RGS12: variants seen among roughly 807,000 people sequenced by gnomAD.
The protein encoded by RGS12 is regulator of G protein signaling 12.
In RGS12, 66 loss-of-function variants were observed where a neutral mutation model predicts 120.1. That is an observed-to-expected ratio of 0.55 (90% CI 0.45 to 0.67). The LOEUF is 0.67. Ranked by LOEUF, RGS12 falls within the 30% of genes least tolerant of loss-of-function variation. The pLI, the probability that RGS12 is intolerant of heterozygous loss-of-function variation, is 0.00. For synonymous variants in RGS12, 827 were observed against 804.7 expected (o/e 1.03, Z -0.47); for missense variants, 1,859 against 1,957.7 (o/e 0.95, Z 0.95).
Position 3,326,358 on chromosome 4 carries a change from C to T in RGS12, c.1881+8307C>T, listed in dbSNP as rs146497120. 3.9e-3 allele frequency among the ~76,000 whole-genome samples: 601 copies of T among 152,260 alleles called. 3 individuals are homozygous for T. The highest frequency in any genetic ancestry group is 6.9e-3 in the Non-Finnish European group (468 of 68,026). On this transcript the variant is annotated intron_variant, in intron 2 of 17. Coordinates refer to ENST00000336727, the MANE Select transcript of RGS12 (RefSeq NM_001394154.1). Reference sequence around the variant, plus strand: ...AACTCTTGGACTCAAGGGATCCTCCCGCCTCAGCCTCCCAAGTAGCTAGAA... The same window carrying T: ...AACTCTTGGACTCAAGGGATCCTCCTGCCTCAGCCTCCCAAGTAGCTAGAA...
chr4:3,292,295 C>T (rs1723065866), upstream of RGS12, among the ~76,000 whole-genome samples: 1 of 151,692 alleles, frequency 6.6e-6, no homozygotes, highest in Admixed American at 6.6e-5. Context: ...AGCTCCTCCT[C>T]TCGTGCCAGC....
chr4:3,316,163 T>C lies in RGS12; in HGVS notation c.-8T>C. 1 of 1,531,852 alleles carries C rather than the reference T, an allele frequency of 6.5e-7. No homozygotes were observed. Among genetic ancestry groups the C allele is most frequent in the Non-Finnish European group, 8.8e-7 (1 of 1,141,188 alleles). The allele number at this position is 1,531,852 out of a possible 1,614,324, so 94.9% of individuals were successfully genotyped here. ...GAGACGTGCTCTTGGTCTTGGAAGC[T>C]CATCAGAATGTTTAGAGCTGGGGAG... is the stretch of plus-strand genomic sequence containing the variant. On this transcript the variant is annotated 5_prime_UTR_variant, in exon 2 of 18. Transcript: ENST00000336727.
At position 3,317,484 on chromosome 4, in the gene RGS12, C is replaced by A. The variant is rs1439248271; in HGVS notation, c.1314C>A (p.Val438=). Residue 438 remains valine (V), a synonymous_variant, in exon 2 of 18, where the codon GTC becomes GTA. Coordinates refer to ENST00000336727, the MANE Select transcript of RGS12 (RefSeq NM_001394154.1). ...ACCAGGAGGAGAAGAGCAACCGGGT[C>A]CTTGTGGTGGACCTGGGTGGGAGCT... ...NFHQEEKSNR[V]LVVDLGGSSS... 3 of 1,613,784 alleles carry A rather than the reference C, an allele frequency of 1.9e-6. No homozygotes were observed. The Admixed American group carries it at 5.0e-5, about 27-fold the overall frequency.
At chr4:3,407,245 G>T (rs1721234182) in intron 4 of RGS12, 1 of 152,260 alleles carries the variant, frequency 6.6e-6, no homozygotes. Context: ...GGCGGCAGCA[G>T]CTGAGGGGCT....
At chr4:3,326,427 T>C (rs532163369) in intron 2 of RGS12, among the ~76,000 whole-genome samples, 2 of 152,296 alleles carry the variant, frequency 1.3e-5, no homozygotes, top group Admixed American at 6.5e-5. Context: ...TTAAATTTTT[T>C]TGTAGAGGTG....
intron 1 of RGS12, among the ~76,000 whole-genome samples, chr4:3,313,802 C>T (rs1578704294): frequency 2.0e-5 from 3 of 152,152 alleles, no homozygotes; most frequent in Non-Finnish European, 2.9e-5. Context: ...CTCACACAGG[C>T]GCACCCCACA....
At chr4:3,338,007 A>G (rs925883974) in intron 2 of RGS12, among the ~76,000 whole-genome samples, 3 of 152,128 alleles carry the variant, frequency 2.0e-5, no homozygotes, top group Admixed American at 2.0e-4. Context: ...GAGGCGTTGG[A>G]ATGGTTCTTA....
At position 3,379,015 on chromosome 4, in the gene RGS12, G is replaced by GTGTT. The variant is rs141799897; in HGVS notation, c.1999-7398_1999-7397insTTGT. ...TAAAGGAAATGTGCGATGTGTGTGT[G>GTGTT]TGTGTGTGTGTGTGTGTGTGTGTGT... On this transcript the variant is annotated intron_variant, in intron 3 of 17. Coordinates refer to ENST00000336727, the MANE Select transcript of RGS12 (RefSeq NM_001394154.1). Among the ~76,000 whole-genome samples, 354 of 95,596 alleles carry GTGTT rather than the reference G, an allele frequency of 3.7e-3. 2 individuals carry two copies. The highest frequency in any genetic ancestry group is 0.01 in the African/African-American group (346 of 33,172). 62.7% of individuals were successfully genotyped at this position (95,596 alleles called of 152,430 possible).
rs375514368 is a variant in RGS12 at position 3,389,997 on chromosome 4, A to T, written c.2020+3560A>T. Among the ~76,000 whole-genome samples the T allele has an allele frequency of 2.6e-5, 4 of 151,790 alleles. No homozygotes were observed. In the East Asian group the frequency reaches 5.8e-4, roughly 22 times the overall value. On this transcript the variant is annotated intron_variant, in intron 4 of 17. Transcript: ENST00000336727. This position sits in a 1 kb window ranked among gnomAD's most constrained non-coding sequence, Gnocchi z 5.2. ...GCCCCCCTACTCGTCCTCCATGCAG[A>T]CCTCAGTCTTGGCCCTGTCTCTGCA...
Position 3,365,315 on chromosome 4 carries a change from C to G in RGS12, c.1999-21101C>G, listed in dbSNP as rs766899897. ...CGAGTGCGTGGTGTCGCCTGCACAG[C>G]GGGCAGTGCCTACTCTTGGCCCTTT... On this transcript the variant is annotated intron_variant, in intron 3 of 17. Coordinates refer to ENST00000336727, the MANE Select transcript of RGS12 (RefSeq NM_001394154.1). This position sits in a 1 kb window ranked among gnomAD's most constrained non-coding sequence, Gnocchi z 4.0. Among the ~76,000 whole-genome samples the G allele has an allele frequency of 6.6e-6, 1 of 151,612 alleles. No homozygotes were observed. Among genetic ancestry groups the G allele is most frequent in the Non-Finnish European group, 1.5e-5 (1 of 67,890 alleles).
chr4:3,357,585 G>GAT (rs140804897), intron 3 of RGS12, among the ~76,000 whole-genome samples: 4,882 of 152,098 alleles, frequency 0.032, 237 homozygotes, highest in African/African-American at 0.11. Context: ...TTTGCATGTG[G>GAT]ATATCCTTTT....
chr4:3,417,388 T>C lies in RGS12; in HGVS notation c.2608T>C (p.Leu870=). Residue 870 remains leucine (L), a splice_region_variant and synonymous_variant, in exon 9 of 18, where the codon TTA becomes CTA. Coordinates refer to ENST00000336727, the MANE Select transcript of RGS12 (RefSeq NM_001394154.1). ...DHSSVSTPKK[L]SGKSKSGRSL... is the part of the protein sequence containing the mutation. The stretch of plus-strand genomic sequence containing the variant: ...AACCAAGGTTTCCATTTGATGACAG[T>C]TAAGTGGAAAATCAAAATCCGGCCG... 6.4e-7 allele frequency: 1 copy of C among 1,568,560 alleles called. No homozygotes were observed. Among genetic ancestry groups the C allele is most frequent in the South Asian group, 1.2e-5 (1 of 86,822 alleles).
chr4:3,369,092 C>T (rs1321535533), intron 3 of RGS12, among the ~76,000 whole-genome samples: 1 of 152,134 alleles, frequency 6.6e-6, no homozygotes, highest in African/African-American at 2.4e-5. Context: ...GGTGGCACCC[C>T]TTTCAGCGAG....
rs201159617 is a variant in RGS12 at position 3,310,403 on chromosome 4, G to A, written c.-101-5667G>A. 2.0e-4 allele frequency among the ~76,000 whole-genome samples: 31 copies of A among 152,350 alleles called. No homozygotes were observed. The South Asian group carries it at 3.5e-3, about 17-fold the overall frequency. On this transcript the variant is annotated intron_variant, in intron 1 of 17. Coordinates refer to ENST00000336727, the MANE Select transcript of RGS12 (RefSeq NM_001394154.1). The stretch of plus-strand genomic sequence containing the variant: ...CAGTCCACGCTGCACCCCAAGAAGG[G>A]AAGTGTGGAGAGGTATTGACTGGTG...
chr4:3,348,373 G>T (rs1176727184), intron 3 of RGS12, among the ~76,000 whole-genome samples: 1 of 152,142 alleles, frequency 6.6e-6, no homozygotes, highest in Non-Finnish European at 1.5e-5. Flanking sequence ...TAAAATCTTT[G>T]TTTCGTAGGC....
At chr4:3,357,297 G>A (rs531089768) in intron 3 of RGS12, among the ~76,000 whole-genome samples, 1 of 152,174 alleles carries the variant, frequency 6.6e-6, no homozygotes, top group South Asian at 2.1e-4. Flanking sequence ...TATCAGATAC[G>A]TGATTTGCAA....
chr4:3,373,380 A>T (rs1457288271), intron 3 of RGS12, among the ~76,000 whole-genome samples: 1 of 152,146 alleles, frequency 6.6e-6, no homozygotes, highest in East Asian at 1.9e-4. Flanking sequence ...TGGCCGCCGC[A>T]GGACACAAGA....
chr4:3,417,011 G>A lies in RGS12; in HGVS notation c.2526G>A (p.Pro842=), dbSNP rs147003185. ...CGGAAGTGGAGGGCCGTGCACTCCCGGACTCGCAGCAGGTCCCCAGCAGCC... is the reference window on the plus strand; with the variant it reads ...CGGAAGTGGAGGGCCGTGCACTCCCAGACTCGCAGCAGGTCCCCAGCAGCC... ...ILAEVEGRAL[P]DSQQVPSSPA... Residue 842 remains proline (P), a synonymous_variant, in exon 8 of 18, where the codon CCG becomes CCA. Transcript: ENST00000336727. The A allele has an allele frequency of 8.1e-6, 13 of 1,613,288 alleles. No homozygotes were observed. The highest frequency in any genetic ancestry group is 4.0e-5 in the African/African-American group (3 of 74,928).
At chr4:3,352,431 A>G (rs1714451884) in intron 3 of RGS12, among the ~76,000 whole-genome samples, 1 of 152,144 alleles carries the variant, frequency 6.6e-6, no homozygotes, top group Non-Finnish European at 1.5e-5. Flanking sequence ...CCTTCTCCAC[A>G]TCCCACTTCT....
Sources: gnomAD v4.1 joint callset for allele counts (sites outside exome capture counted in the v4.1 genomes callset) on GRCh38, gnomAD v4.1.1 for gene constraint, Gnocchi (gnomAD v3.1) non-coding constraint, MANE v1.5 for transcripts, NCBI Gene and HGNC (gene_info 2026-07-23, HGNC 2026-07-21) for gene names.